C17orf67: variants seen among roughly 807,000 people sequenced by gnomAD.
C17orf67 encodes uncharacterized protein C17orf67.
Under a neutral mutation model 11.2 loss-of-function variants are expected in C17orf67, and 12 were observed. The observed-to-expected ratio is 1.07, with a 90% CI of 0.68 to 1.73. The LOEUF is 1.73. Ranked by LOEUF, C17orf67 falls within the 40% of genes most tolerant of loss-of-function variation. The pLI, the probability that C17orf67 is intolerant of heterozygous loss-of-function variation, is 0.00. For synonymous variants in C17orf67, 59 were observed against 46.9 expected (o/e 1.26, Z -1.05); for missense variants, 115 against 113.5 (o/e 1.01, Z -0.06).
At chr17:56,798,229 C>T (rs1178713063) in intron 6 of C17orf67, among the ~76,000 whole-genome samples, 1 of 152,172 alleles carries the variant, frequency 6.6e-6, no homozygotes, top group Non-Finnish European at 1.5e-5. Flanking sequence ...GGGGCTAGAC[C>T]CCTGCCACAA....
At chr17:56,799,168 C>T (rs183330016) in intron 6 of C17orf67, among the ~76,000 whole-genome samples, 62 of 152,332 alleles carry the variant, frequency 4.1e-4, no homozygotes, top group South Asian at 1.2e-3. Flanking sequence ...ACACACAAAC[C>T]CTAGCACTAC....
At chr17:56,818,170 AG>A (rs1212752396) in intron 4 of C17orf67, among the ~76,000 whole-genome samples, 4 of 151,964 alleles carry the variant, frequency 2.6e-5, no homozygotes, top group African/African-American at 9.7e-5. Context: ...AAAAAAAAAA[AG>A]AAAAAAGAAA....
intron 4 of C17orf67, among the ~76,000 whole-genome samples, chr17:56,818,156 T>TAAA (rs952874915): frequency 7.2e-6 from 1 of 139,706 alleles, no homozygotes; most frequent in Non-Finnish European, 1.6e-5. Flanking sequence ...TAGCATTATT[T>TAAA]AAAAAAAAAA....
intron 4 of C17orf67, among the ~76,000 whole-genome samples, chr17:56,817,999 A>G (rs893618263): frequency 2.0e-5 from 3 of 151,500 alleles, no homozygotes; most frequent in African/African-American, 7.3e-5. Context: ...ATGTGCCACC[A>G]TGCCCAGCTA....
chr17:56,793,684 ACT>A lies in C17orf67; in HGVS notation c.*21-1334_*21-1333del, dbSNP rs1905159014. Among the ~76,000 whole-genome samples, 3 of 152,186 alleles carry A rather than the reference ACT, an allele frequency of 2.0e-5. No individual in the cohort carries two copies. The South Asian group carries it at 6.2e-4, about 32-fold the overall frequency. On this transcript the variant is annotated intron_variant, in intron 7 of 7. Coordinates refer to ENST00000397861, the MANE Select transcript of C17orf67 (RefSeq NM_001085430.4). ...ACAGAGCTGGAAATCAGAAAGTCAA[ACT>A]CAGCTCTGGCCAGTTCCAGAGCCTA...
intron 6 of C17orf67, among the ~76,000 whole-genome samples, chr17:56,801,782 G>A (rs189420797): frequency 2.4e-4 from 36 of 152,316 alleles, no homozygotes; most frequent in Admixed American, 2.2e-3. Context: ...TAATTGGGAG[G>A]AACAGGAAGG....
rs1204089218 is a variant in C17orf67, at chr17:56,814,721, T to C, written c.156+148A>G. The C allele has an allele frequency of 2.0e-5, 15 of 766,036 alleles. No homozygotes were observed. The East Asian group carries it at 3.5e-4, about 18-fold the overall frequency. 47.5% of individuals were successfully genotyped at this position (766,036 alleles called of 1,614,324 possible). A position where few individuals can be genotyped will look rare whatever the true frequency, so the allele number is the denominator to read the frequency against. On this transcript the variant is annotated intron_variant, in intron 6 of 7. Transcript: ENST00000397861. ...ACCTCCAAAGGAGAAAATGCATAGGTAAAAGATTGAGATTGCAGCTATCTT... is the reference window on the plus strand; with the variant it reads ...ACCTCCAAAGGAGAAAATGCATAGGCAAAAGATTGAGATTGCAGCTATCTT...
chr17:56,818,880 G>A (rs556672584), intron 4 of C17orf67, among the ~76,000 whole-genome samples: 19 of 152,168 alleles, frequency 1.2e-4, no homozygotes, highest in Non-Finnish European at 2.5e-4. Context: ...AGATCCTTCC[G>A]TCTCTAATGC....
rs1324128180 is a variant in C17orf67 at position 56,795,038 on chromosome 17, A to T, written c.*20+6T>A. The T allele has an allele frequency of 6.3e-7, 1 of 1,581,768 alleles. No homozygotes were observed. The highest frequency in any genetic ancestry group is 8.7e-7 in the Non-Finnish European group (1 of 1,151,418). On this transcript the variant is annotated splice_donor_region_variant and intron_variant, in intron 7 of 7. Transcript: ENST00000397861. Reference sequence around the variant, plus strand: ...ACAGAGGTCCGGGAGAGAGAAGGAGACGTACCGAGGCTGGTCCTGATCCCC... The same window carrying T: ...ACAGAGGTCCGGGAGAGAGAAGGAGTCGTACCGAGGCTGGTCCTGATCCCC...
chr17:56,815,000 AC>A, intron 5 of C17orf67, 31 bp from the exon 6 acceptor site: 1 of 1,569,470 alleles, frequency 6.4e-7, no homozygotes, highest in East Asian at 2.2e-5. Flanking sequence ...CCTTAAGGAC[AC>A]TCAGGCTCAG....
intron 6 of C17orf67, among the ~76,000 whole-genome samples, chr17:56,797,295 GGA>G (rs1375553333): frequency 6.6e-6 from 1 of 152,174 alleles, no homozygotes. Context: ...GGCCAAGGGT[GGA>G]GAACCCTTAG....
At chr17:56,802,581 A>G (rs536510728) in intron 6 of C17orf67, among the ~76,000 whole-genome samples, 4 of 152,284 alleles carry the variant, frequency 2.6e-5, no homozygotes, top group Admixed American at 6.5e-5. Context: ...AAGTCTCTTT[A>G]TTAAACACTC....
intron 4 of C17orf67, among the ~76,000 whole-genome samples, chr17:56,820,978 T>C (rs1905889876): frequency 6.6e-6 from 1 of 152,152 alleles, no homozygotes; most frequent in Non-Finnish European, 1.5e-5. Flanking sequence ...GGCACAAGCA[T>C]AGCTCACTGC....
chr17:56,817,095 ATCC>A (rs1362336005), intron 4 of C17orf67, among the ~76,000 whole-genome samples: 1 of 152,114 alleles, frequency 6.6e-6, no homozygotes, highest in Non-Finnish European at 1.5e-5. Flanking sequence ...GGCTCAAGTG[ATCC>A]TCCTGCCTCA....
At chr17:56,831,077 G>A (rs1182044328) in intron 2 of C17orf67, among the ~76,000 whole-genome samples, 23 of 152,190 alleles carry the variant, frequency 1.5e-4, no homozygotes. Context: ...CCCACAGTAA[G>A]AGTTTCATTT....
At chr17:56,812,189 G>A (rs1394707956) in intron 6 of C17orf67, among the ~76,000 whole-genome samples, 5 of 152,256 alleles carry the variant, frequency 3.3e-5, no homozygotes, top group Admixed American at 2.0e-4. Flanking sequence ...CACACACAGC[G>A]TGACAGAGAG....
chr17:56,802,561 C>A (rs1342125406), intron 6 of C17orf67, among the ~76,000 whole-genome samples: 1 of 152,164 alleles, frequency 6.6e-6, no homozygotes, highest in Non-Finnish European at 1.5e-5. Context: ...CCTGCCCACG[C>A]CTTTGTAAAA....
intron 6 of C17orf67, among the ~76,000 whole-genome samples, chr17:56,802,002 T>A (rs554126675): frequency 2.8e-4 from 43 of 152,284 alleles, no homozygotes; most frequent in Admixed American, 2.7e-3. Flanking sequence ...CAGCCTCAGT[T>A]TGTTCATCTG....
chr17:56,795,753 A>G (rs1432130890), intron 6 of C17orf67, among the ~76,000 whole-genome samples: 1 of 152,244 alleles, frequency 6.6e-6, no homozygotes, highest in African/African-American at 2.4e-5. Flanking sequence ...AACATGCCAA[A>G]TAGCCACTTA....
Sources: gnomAD v4.1 joint callset for allele counts (sites outside exome capture counted in the v4.1 genomes callset) on GRCh38, gnomAD v4.1.1 for gene constraint, MANE v1.5 for transcripts, NCBI Gene and HGNC (gene_info 2026-07-23, HGNC 2026-07-21) for gene names.